BAIAP2L1: variants seen among roughly 807,000 people sequenced by gnomAD.
BAIAP2L1 encodes BAR/IMD domain containing adaptor protein 2 like 1, also known as BAR/IMD domain-containing adapter protein 2-like 1.
A neutral mutation model predicts 66.3 loss-of-function variants in BAIAP2L1; 35 were observed. The ratio of observed to expected loss-of-function variants is 0.53; its 90% CI spans 0.40 to 0.70. The LOEUF is 0.70. BAIAP2L1 is among the 30% of genes least tolerant of loss of function. The pLI is 0.00. For synonymous variants in BAIAP2L1, 269 were observed against 248.7 expected, an observed-to-expected ratio of 1.08 and a Z score of -0.77; for missense variants, 622 against 656.9, an observed-to-expected ratio of 0.95 and a Z score of 0.58.
intron 1 of BAIAP2L1, among the ~76,000 whole-genome samples, chr7:98,397,426 G>A (rs1803241289): frequency 6.8e-6 from 1 of 146,930 alleles, no homozygotes; most frequent in Non-Finnish European, 1.5e-5. Flanking sequence ...CCTGGTTCAA[G>A]CGATTATCCT....
intron 2 of BAIAP2L1, among the ~76,000 whole-genome samples, chr7:98,357,049 A>ATATATATAT (rs1406909573): frequency 7.1e-4 from 9 of 12,616 alleles, no homozygotes; most frequent in Admixed American, 2.7e-3. Context: ...ATATATATAT[A>ATATATATAT]TTTTTTTTTT....
intron 3 of BAIAP2L1, among the ~76,000 whole-genome samples, chr7:98,325,343 G>A (rs918359991): frequency 6.6e-6 from 1 of 151,432 alleles, no homozygotes; most frequent in Admixed American, 6.6e-5. Context: ...ACTCCAGCCT[G>A]GGCAACAGAG....
At chr7:98,300,748 C>T (rs925859213) in intron 12 of BAIAP2L1, among the ~76,000 whole-genome samples, 9 of 152,118 alleles carry the variant, frequency 5.9e-5, no homozygotes, top group South Asian at 2.1e-4. Flanking sequence ...CACAGGCTGG[C>T]GGCACCACTC....
chr7:98,304,851 T>C (rs1800578414), intron 11 of BAIAP2L1, among the ~76,000 whole-genome samples: 1 of 150,130 alleles, frequency 6.7e-6, no homozygotes, highest in East Asian at 2.0e-4. Flanking sequence ...TTTCTAAACA[T>C]ATCCTCACAA....
intron 2 of BAIAP2L1, among the ~76,000 whole-genome samples, chr7:98,359,276 T>C (rs1562783859): frequency 6.7e-6 from 1 of 149,710 alleles, no homozygotes; most frequent in East Asian, 1.9e-4. Context: ...TTGCTGTCTT[T>C]TTTTTTTTTT....
intron 3 of BAIAP2L1, among the ~76,000 whole-genome samples, chr7:98,338,795 C>A (rs1350998973): frequency 1.3e-5 from 2 of 152,022 alleles, no homozygotes; most frequent in African/African-American, 4.8e-5. Flanking sequence ...ATGTGTGGGT[C>A]AGGTGTGGTG....
At chr7:98,377,819 CAAAAAA>C (rs55633908) in intron 1 of BAIAP2L1, among the ~76,000 whole-genome samples, 1 of 40,768 alleles carries the variant, frequency 2.5e-5, no homozygotes, top group Non-Finnish European at 3.8e-5. Flanking sequence ...GACTCAATCT[CAAAAAA>C]AAAAAAAAAA....
At chr7:98,331,474 T>TG (rs1801493086) in intron 3 of BAIAP2L1, among the ~76,000 whole-genome samples, 1 of 148,190 alleles carries the variant, frequency 6.7e-6, no homozygotes, top group Non-Finnish European at 1.5e-5. Context: ...TCTTTTTTTT[T>TG]TTTTTTTTTT....
intron 1 of BAIAP2L1, among the ~76,000 whole-genome samples, chr7:98,398,895 C>A (rs1209900251): frequency 6.6e-6 from 1 of 152,158 alleles, no homozygotes; most frequent in African/African-American, 2.4e-5. Flanking sequence ...GGAAGAAGGG[C>A]GGAAGGCAGT....
Position 98,306,651 on chromosome 7 carries a change from T to G in BAIAP2L1, c.1164-135A>C, listed in dbSNP as rs771725767. On this transcript the variant is annotated intron_variant, in intron 10 of 13. Coordinates refer to ENST00000005260, the MANE Select transcript of BAIAP2L1 (RefSeq NM_018842.5). ...CGCCCATGTGTGGAGGAAATGAAATTAAGGCTTTTAATAGGTAAATATGGA... is the reference window on the plus strand; with the variant it reads ...CGCCCATGTGTGGAGGAAATGAAATGAAGGCTTTTAATAGGTAAATATGGA... 2.1e-5 allele frequency: 27 copies of G among 1,288,342 alleles called. No homozygotes were observed. The Admixed American group carries it at 2.2e-4, about 10-fold the overall frequency. 79.8% of individuals were successfully genotyped at this position (1,288,342 alleles called of 1,614,324 possible). A position where few individuals can be genotyped will look rare whatever the true frequency, so the allele number is the denominator to read the frequency against.
At chr7:98,378,597 C>T (rs1313365230) in intron 1 of BAIAP2L1, among the ~76,000 whole-genome samples, 2 of 152,200 alleles carry the variant, frequency 1.3e-5, no homozygotes, top group African/African-American at 2.4e-5. Context: ...TCCCTGTTTA[C>T]TCTCTGTCTC....
At chr7:98,379,456 A>G (rs1802708819) in intron 1 of BAIAP2L1, among the ~76,000 whole-genome samples, 1 of 152,202 alleles carries the variant, frequency 6.6e-6, no homozygotes. Flanking sequence ...CCACTTCCCT[A>G]GCTCAAGGCG....
At chr7:98,396,704 C>T (rs1803217126) in intron 1 of BAIAP2L1, among the ~76,000 whole-genome samples, 1 of 152,130 alleles carries the variant, frequency 6.6e-6, no homozygotes. Flanking sequence ...GGGAGAATTG[C>T]TCGAAAGTGG....
intron 3 of BAIAP2L1, among the ~76,000 whole-genome samples, chr7:98,349,013 T>C (rs1460765877): frequency 1.3e-5 from 2 of 152,230 alleles, no homozygotes; most frequent in Non-Finnish European, 2.9e-5. Context: ...GGGTGAGCTC[T>C]GCAACCCAGG....
At chr7:98,352,084 T>C (rs937192343) in intron 3 of BAIAP2L1, among the ~76,000 whole-genome samples, 1 of 151,878 alleles carries the variant, frequency 6.6e-6, no homozygotes. Context: ...CTTTGGTCTT[T>C]TTTTTTTTCT....
chr7:98,362,562 G>A, intron 1 of BAIAP2L1, 130 bp from the exon 2 acceptor site: 2 of 700,846 alleles, frequency 2.9e-6, no homozygotes, highest in South Asian at 4.2e-5. Context: ...AATGAATGCT[G>A]ATGTAAAAAT....
At chr7:98,386,693 G>GTTTTTTTTTTTTTTTTTTTTTTTTTTT (rs71112150) in intron 1 of BAIAP2L1, 2 of 155,918 alleles carry the variant, frequency 1.3e-5, no homozygotes, top group Non-Finnish European at 1.1e-5. Context: ...CTTTCCAAAG[G>GTTTTTTTTTTTTTTTTTTTTTTTTTTT]TTTTTTTTTT....
chr7:98,304,530 T>C lies in BAIAP2L1; in HGVS notation c.1242-154A>G, dbSNP rs1800558469. The stretch of plus-strand genomic sequence containing the variant: ...CACACACAGACACACACAGTACATA[T>C]ATCAATACAAAACACTGTATTTTTT... On this transcript the variant is annotated intron_variant, in intron 11 of 13. Coordinates refer to ENST00000005260, the MANE Select transcript of BAIAP2L1 (RefSeq NM_018842.5). Among the ~76,000 whole-genome samples the C allele has an allele frequency of 2.0e-5, 3 of 152,052 alleles. No homozygotes were observed. The South Asian group carries it at 6.2e-4, about 32-fold the overall frequency.
At chr7:98,397,863 C>T (rs1476176182) in intron 1 of BAIAP2L1, among the ~76,000 whole-genome samples, 4 of 152,036 alleles carry the variant, frequency 2.6e-5, no homozygotes, top group Non-Finnish European at 4.4e-5. Flanking sequence ...CTTATAACAT[C>T]GTTTATGAAG....
Sources: gnomAD v4.1 joint callset for allele counts (sites outside exome capture counted in the v4.1 genomes callset) on GRCh38, gnomAD v4.1.1 for gene constraint, MANE v1.5 for transcripts, NCBI Gene and HGNC (gene_info 2026-07-23, HGNC 2026-07-21) for gene names.